Variants in RYR3 observed in about 807,000 individuals in gnomAD.
RYR3 encodes the protein brain ryanodine receptor-calcium release channel.
In RYR3, 207 loss-of-function variants were observed where a neutral mutation model predicts 584.3. That is an observed-to-expected ratio of 0.35 (90% CI 0.32 to 0.40). RYR3 has a LOEUF of 0.40. Among genes scored for constraint, RYR3 ranks in the 10% least tolerant of loss-of-function variants. The pLI is 1.00. For missense variants in RYR3, 5,616 were observed against 6,089.2 expected (o/e 0.92, Z 2.59); for synonymous variants, 2,416 against 2,248.5 (o/e 1.07, Z -2.11).
chr15:33,467,479 G>T (rs950571224), intron 1 of RYR3: 1 of 984,954 alleles, frequency 1.0e-6, no homozygotes. Flanking sequence ...CCCTCAGGCT[G>T]CGAGCCAAGG....
At chr15:33,482,323 C>A (rs1482858178) in intron 2 of RYR3, among the ~76,000 whole-genome samples, 2 of 152,110 alleles carry the variant, frequency 1.3e-5, no homozygotes, top group African/African-American at 2.4e-5. Context: ...TTTTTATCAT[C>A]ATTCTTCTAT....
chr15:33,342,567 G>A (rs1971953758), intron 1 of RYR3, among the ~76,000 whole-genome samples: 1 of 152,012 alleles, frequency 6.6e-6, no homozygotes, highest in Non-Finnish European at 1.5e-5. Context: ...CAAGGAAAAT[G>A]GGTCTCTAGT....
At chr15:33,339,886 C>T (rs1433965685) in intron 1 of RYR3, among the ~76,000 whole-genome samples, 1 of 81,040 alleles carries the variant, frequency 1.2e-5, no homozygotes, top group Non-Finnish European at 2.7e-5. Flanking sequence ...AAGACTCCGT[C>T]TCAAAAAAAA....
chr15:33,611,208 A>G (rs2060166874), intron 18 of RYR3, among the ~76,000 whole-genome samples: 1 of 152,162 alleles, frequency 6.6e-6, no homozygotes, highest in East Asian at 1.9e-4. Flanking sequence ...AATGTTTGAG[A>G]TATAATTAGT....
At position 33,841,952 on chromosome 15, in the gene RYR3, C is replaced by T. The variant is rs753219318; in HGVS notation, c.13126C>T (p.Arg4376Trp). 2.2e-5 allele frequency: 36 copies of T among 1,601,208 alleles called. No individual in the cohort carries two copies. The highest frequency in any genetic ancestry group is 3.0e-5 in the Non-Finnish European group (35 of 1,173,878). Residue 4376 changes from arginine (R) to tryptophan (W), a missense_variant, in exon 91 of 104, where the codon CGG becomes TGG. Transcript: ENST00000634891. Reference protein sequence around the residue: ...WTEVTKKKKRRCGQKVEKPEA... With the variant: ...WTEVTKKKKRWCGQKVEKPEA... ...AGAAGTGACAAAAAAGAAGAAGCGG[C>T]GGTGTGGTCAGAAGGTTGAGAAGCC...
intron 31 of RYR3, among the ~76,000 whole-genome samples, chr15:33,652,473 C>T (rs1353357207): frequency 1.3e-5 from 2 of 152,112 alleles, no homozygotes; most frequent in Admixed American, 6.5e-5. Context: ...GTTCTCTGAA[C>T]ATTGTGCTTT....
intron 1 of RYR3, among the ~76,000 whole-genome samples, chr15:33,361,343 C>T (rs544322860): frequency 2.9e-4 from 44 of 152,142 alleles, no homozygotes; most frequent in African/African-American, 9.4e-4. Context: ...GGATGGCAAG[C>T]GAATATACAT....
intron 1 of RYR3, among the ~76,000 whole-genome samples, chr15:33,471,514 A>G (rs543411897): frequency 2.0e-5 from 3 of 152,012 alleles, no homozygotes; most frequent in African/African-American, 7.2e-5. Flanking sequence ...GGGGATAGAA[A>G]GGGAAAGAGA....
chr15:33,414,777 A>G (rs1468373257), intron 1 of RYR3, among the ~76,000 whole-genome samples: 2 of 152,088 alleles, frequency 1.3e-5, no homozygotes, highest in Non-Finnish European at 2.9e-5. Flanking sequence ...TATTTTTAGT[A>G]GAGACAGGGT....
chr15:33,324,759 C>T (rs991496149), intron 1 of RYR3, among the ~76,000 whole-genome samples: 7 of 152,216 alleles, frequency 4.6e-5, no homozygotes, highest in Admixed American at 4.6e-4. Context: ...GCTCACCTCA[C>T]TCAACTCTCT....
Position 33,848,401 on chromosome 15 carries a change from C to T in RYR3, c.13608C>T (p.Asp4536=). The change falls in exon 94 of 104, where the codon GAC becomes GAT. Residue 4536 remains aspartate (D), a synonymous_variant. Transcript: ENST00000634891. Reference sequence around the variant, plus strand: ...AAGATGACATCAAGGGGCAGTGGGACCGCTTGGTGATCAACACACCGTGAG... The same window carrying T: ...AAGATGACATCAAGGGGCAGTGGGATCGCTTGGTGATCAACACACCGTGAG... The part of the protein sequence containing the change: ...PSEDDIKGQW[D]RLVINTPSFP... 5 of 1,613,172 alleles carry T rather than the reference C, an allele frequency of 3.1e-6. No individual in the cohort carries two copies. Among genetic ancestry groups the T allele is most frequent in the Non-Finnish European group, 4.2e-6 (5 of 1,179,820 alleles).
intron 98 of RYR3, chr15:33,855,870 C>A (rs1006745505): frequency 2.6e-5 from 4 of 152,184 alleles, no homozygotes; most frequent in African/African-American, 9.7e-5. Context: ...CTAATGGCTT[C>A]TCCTTGTATA....
In RYR3 at chr15:33,508,743, A is replaced by G. The variant is rs567075813; in HGVS notation, c.279+5005A>G. 5.3e-5 allele frequency among the ~76,000 whole-genome samples: 8 copies of G among 152,322 alleles called. No homozygotes were observed. In the South Asian group the frequency reaches 1.7e-3, roughly 32 times the overall value. ...CTTTATAACAGACATCCTCACTGAG[A>G]AGTTCTTCATCTCCCCGTATTACTT... On this transcript the variant is annotated intron_variant, in intron 3 of 103. Transcript: ENST00000634891.
intron 100 of RYR3, among the ~76,000 whole-genome samples, chr15:33,860,179 T>C (rs1328558943): frequency 1.3e-5 from 2 of 152,002 alleles, no homozygotes; most frequent in African/African-American, 4.8e-5. Context: ...TCATGCTGAG[T>C]GGAGGAACCT....
chr15:33,821,946 T>C (rs1219742308), intron 80 of RYR3, among the ~76,000 whole-genome samples: 1 of 152,186 alleles, frequency 6.6e-6, no homozygotes, highest in African/African-American at 2.4e-5. Context: ...TAGCTGCCTT[T>C]AGTATGAGCA....
chr15:33,707,037 T>C lies in RYR3; in HGVS notation c.6602T>C (p.Phe2201Ser). 6.2e-7 allele frequency: 1 copy of C among 1,613,976 alleles called. No homozygotes were observed. The highest frequency in any genetic ancestry group is 8.5e-7 in the Non-Finnish European group (1 of 1,179,864). Residue 2201 changes from phenylalanine (F) to serine (S), a missense_variant, in exon 43 of 104, where the codon TTT becomes TCT. Transcript: ENST00000634891. ...EGERYLSFLR[F>S]AVFVNSESVE... ...GAACGCTACCTGTCCTTCCTGAGGTTTGCTGTCTTCGTGAACAGTGAGTCC... is the reference window on the plus strand; with the variant it reads ...GAACGCTACCTGTCCTTCCTGAGGTCTGCTGTCTTCGTGAACAGTGAGTCC...
rs148967699 is a variant in RYR3, at chr15:33,359,481, C to T, written c.51+48385C>T. Reference sequence around the variant, plus strand: ...GCCTTTGCATGTCCTGTTGTCAGTACTTGGGATACTCTTTCCCCAGATAGC... The same window carrying T: ...GCCTTTGCATGTCCTGTTGTCAGTATTTGGGATACTCTTTCCCCAGATAGC... On this transcript the variant is annotated intron_variant, in intron 1 of 103. Coordinates refer to ENST00000634891, the MANE Select transcript of RYR3 (RefSeq NM_001036.6). Among the ~76,000 whole-genome samples, 480 of 152,312 alleles carry T rather than the reference C, an allele frequency of 3.2e-3. 1 individual carries two copies. The highest frequency in any genetic ancestry group is 5.7e-3 in the Non-Finnish European group (388 of 68,028).
At chr15:33,765,653 AAAG>A (rs1179046927) in intron 60 of RYR3, among the ~76,000 whole-genome samples, 2,863 of 147,194 alleles carry the variant, frequency 0.019, 97 homozygotes, top group South Asian at 0.048. Flanking sequence ...AAAAAAAAAA[AAAG>A]AAAATAGTCT....
chr15:33,378,617 GA>G (rs2040928710), intron 1 of RYR3, among the ~76,000 whole-genome samples: 1 of 152,220 alleles, frequency 6.6e-6, no homozygotes, highest in Non-Finnish European at 1.5e-5. Context: ...GTTTGTGCCT[GA>G]GTATTTGTTT....
Sources: gnomAD v4.1 joint callset for allele counts (sites outside exome capture counted in the v4.1 genomes callset) on GRCh38, gnomAD v4.1.1 for gene constraint, MANE v1.5 for transcripts, NCBI Gene and HGNC (gene_info 2026-07-23, HGNC 2026-07-21) for gene names.